The following MAP3K13 variants were observed in gnomAD, a reference collection of about 807,000 sequenced individuals.
MAP3K13 encodes mitogen-activated protein kinase kinase kinase 13.
In MAP3K13, 52 loss-of-function variants were observed where a neutral mutation model predicts 104.0. The ratio of observed to expected loss-of-function variants is 0.50; its 90% CI spans 0.40 to 0.63. The LOEUF (loss-of-function observed/expected upper bound fraction) is 0.63. MAP3K13 is among the 20% of genes least tolerant of loss of function. The probability of loss-of-function intolerance (pLI) is 0.00; values close to 1 mark genes in which losing one functional copy is unlikely to be tolerated. For synonymous variants in MAP3K13, 394 were observed against 442.2 expected (o/e 0.89, Z 1.37); for missense variants, 914 against 1,218.5 (o/e 0.75, Z 3.72).
At position 185,415,143 on chromosome 3, in the gene MAP3K13, A is replaced by T. The variant is rs1469323415; in HGVS notation, c.-85-13354A>T. Among the ~76,000 whole-genome samples the T allele has an allele frequency of 8.6e-5, 13 of 151,780 alleles. No homozygotes were observed. The South Asian group carries it at 1.3e-3, about 15-fold the overall frequency. The stretch of plus-strand genomic sequence containing the variant: ...ACTTCCCAAGTGGCATATATTTTTT[A>T]TTTTTATTTTTATTTTTATTTTTTT... On this transcript the variant is annotated intron_variant, in intron 1 of 13. Transcript: ENST00000265026.
At chr3:185,347,278 C>T (rs1175828746) in intron 2 of MAP3K13, among the ~76,000 whole-genome samples, 2 of 152,138 alleles carry the variant, frequency 1.3e-5, no homozygotes, top group Non-Finnish European at 2.9e-5. Flanking sequence ...AACCACTGCA[C>T]CTGGCCGAGA....
At chr3:185,448,783 C>T (rs570531676) in intron 5 of MAP3K13, among the ~76,000 whole-genome samples, 16 of 152,216 alleles carry the variant, frequency 1.1e-4, no homozygotes, top group Middle Eastern at 3.4e-3. Flanking sequence ...GGTAAAAAAA[C>T]GGTATCTTGG....
At position 185,466,168 on chromosome 3, in the gene MAP3K13, T is replaced by G. The variant is rs944424626; in HGVS notation, c.1505+305T>G. Among the ~76,000 whole-genome samples the G allele has an allele frequency of 3.9e-5, 6 of 152,124 alleles. No individual in the cohort carries two copies. The East Asian group carries it at 1.2e-3, about 29-fold the overall frequency. Reference sequence around the variant, plus strand: ...GGGAGCCGATTGCCCCCTGGGGAAATGTATTGGCTGCTGAAAGTGGTGTAA... The same window carrying G: ...GGGAGCCGATTGCCCCCTGGGGAAAGGTATTGGCTGCTGAAAGTGGTGTAA... On this transcript the variant is annotated intron_variant, in intron 9 of 13. Coordinates refer to ENST00000265026, the MANE Select transcript of MAP3K13 (RefSeq NM_004721.5).
At chr3:185,453,192 T>C (rs967141136) in intron 7 of MAP3K13, among the ~76,000 whole-genome samples, 9 of 152,152 alleles carry the variant, frequency 5.9e-5, no homozygotes, top group African/African-American at 2.2e-4. Flanking sequence ...AATGTGATGA[T>C]CCTGAATTAT....
chr3:185,441,079 T>C (rs1715295001), intron 3 of MAP3K13, among the ~76,000 whole-genome samples: 1 of 152,158 alleles, frequency 6.6e-6, no homozygotes, highest in South Asian at 2.1e-4. Flanking sequence ...GACTTTCAAA[T>C]TAGGCAGACT....
intron 1 of MAP3K13, among the ~76,000 whole-genome samples, chr3:185,389,222 A>G (rs879683842): frequency 6.6e-6 from 1 of 152,110 alleles, no homozygotes; most frequent in Admixed American, 6.5e-5. Context: ...TAGCCTTCCA[A>G]ATTTCTGTAC....
rs1044406209 is a variant in MAP3K13, at chr3:185,488,003, T to G, written c.*5547T>G. On this transcript the variant is annotated 3_prime_UTR_variant, in exon 14 of 14. Transcript: ENST00000265026. ...CCACTTGCCTCTACCCACTGCCCTT[T>G]TGGACAACAATTCCAATTGAAGGAA... 1 of 152,216 alleles carries G rather than the reference T, an allele frequency of 6.6e-6. No homozygotes were observed. The highest frequency in any genetic ancestry group is 2.4e-5 in the African/African-American group (1 of 41,450). The allele number at this position is 152,216 out of a possible 1,614,324, so 9.4% of individuals were successfully genotyped here. A position where few individuals can be genotyped will look rare whatever the true frequency, so the allele number is the denominator to read the frequency against.
chr3:185,453,400 C>A (rs1166766508), intron 7 of MAP3K13, among the ~76,000 whole-genome samples: 1 of 152,096 alleles, frequency 6.6e-6, no homozygotes, highest in Non-Finnish European at 1.5e-5. Context: ...GCCTCCTTCT[C>A]ATAGCCCCCC....
At chr3:185,323,267 T>G (rs1721925948) in intron 2 of MAP3K13, among the ~76,000 whole-genome samples, 2 of 152,292 alleles carry the variant, frequency 1.3e-5, no homozygotes, top group Non-Finnish European at 2.9e-5. Context: ...TTTCACCAGT[T>G]TTTCCATGAC....
chr3:185,321,891 A>G (rs1721882608), intron 2 of MAP3K13, among the ~76,000 whole-genome samples: 1 of 152,230 alleles, frequency 6.6e-6, no homozygotes, highest in African/African-American at 2.4e-5. Flanking sequence ...GGCGTGAGCC[A>G]CCACGCCCGG....
At chr3:185,360,791 AC>A (rs201978841), upstream of MAP3K13, among the ~76,000 whole-genome samples, 791 of 150,784 alleles carry the variant, frequency 5.2e-3, 6 homozygotes, top group African/African-American at 0.017. Context: ...GTCAAAACTT[AC>A]AGAAAAACTT....
At chr3:185,349,066 G>A (rs1313094157) in intron 2 of MAP3K13, among the ~76,000 whole-genome samples, 1 of 152,064 alleles carries the variant, frequency 6.6e-6, no homozygotes, top group Admixed American at 6.6e-5. Flanking sequence ...TCTGAACTAG[G>A]AACAAGCAGC....
At chr3:185,451,861 C>T (rs1452613432) in intron 7 of MAP3K13, among the ~76,000 whole-genome samples, 1 of 145,820 alleles carries the variant, frequency 6.9e-6, no homozygotes, top group South Asian at 2.2e-4. Context: ...GAGCAAAACA[C>T]CGCCTCAAAA....
chr3:185,431,923 C>A (rs1370256085), intron 2 of MAP3K13, among the ~76,000 whole-genome samples: 1 of 152,082 alleles, frequency 6.6e-6, no homozygotes, highest in Non-Finnish European at 1.5e-5. Context: ...TGCAAAAATT[C>A]TTCGTCAGTC....
chr3:185,352,483 C>A (rs1213797120), intron 2 of MAP3K13, among the ~76,000 whole-genome samples: 4 of 152,008 alleles, frequency 2.6e-5, no homozygotes, highest in Non-Finnish European at 4.4e-5. Flanking sequence ...GAGTGGGGAT[C>A]AAGGATTCTC....
chr3:185,419,066 G>T (rs1012847696), intron 1 of MAP3K13, among the ~76,000 whole-genome samples: 15 of 151,304 alleles, frequency 9.9e-5, no homozygotes, highest in African/African-American at 3.6e-4. Flanking sequence ...ACCCAGGCTG[G>T]AGTGCAGTGG....
intron 1 of MAP3K13, among the ~76,000 whole-genome samples, chr3:185,376,204 A>T (rs9867672): frequency 0.34 from 52,152 of 151,954 alleles, 9,131 homozygotes; most frequent in East Asian, 0.41. Context: ...TGAGGCTGGA[A>T]TGAAGTCCGG....
intron 3 of MAP3K13, among the ~76,000 whole-genome samples, chr3:185,439,108 T>C (rs1279878365): frequency 6.6e-6 from 1 of 152,086 alleles, no homozygotes; most frequent in Admixed American, 6.6e-5. Context: ...AGAATGGGTT[T>C]AAATGAGTAC....
At chr3:185,396,295 G>T (rs1008816103) in intron 1 of MAP3K13, among the ~76,000 whole-genome samples, 1 of 152,098 alleles carries the variant, frequency 6.6e-6, no homozygotes, top group Non-Finnish European at 1.5e-5. Flanking sequence ...GCATGAACCC[G>T]GGAGGCGGGG....
Sources: gnomAD v4.1 joint callset for allele counts (sites outside exome capture counted in the v4.1 genomes callset) on GRCh38, gnomAD v4.1.1 for gene constraint, MANE v1.5 for transcripts, NCBI Gene and HGNC (gene_info 2026-07-23, HGNC 2026-07-21) for gene names.